Variants in CDH8 observed in about 807,000 individuals in gnomAD.
CDH8 encodes the protein cadherin 8.
A neutral mutation model predicts 68.1 loss-of-function variants in CDH8; 17 were observed. That is an observed-to-expected ratio of 0.25 (90% CI 0.17 to 0.37). CDH8 has a LOEUF of 0.37. Among genes scored for constraint, CDH8 ranks in the 10% least tolerant of loss-of-function variants. CDH8 has a pLI of 1.00. For missense variants in CDH8, 763 were observed against 999.3 expected, an observed-to-expected ratio of 0.76 and a Z score of 3.19; for synonymous variants, 372 against 365.1, an observed-to-expected ratio of 1.02 and a Z score of -0.21.
chr16:62,024,977 T>A (rs1054457861), intron 1 of CDH8, among the ~76,000 whole-genome samples: 3 of 152,198 alleles, frequency 2.0e-5, no homozygotes, highest in Non-Finnish European at 4.4e-5. Context: ...GCAAAGAATC[T>A]GTTTGGCAAA....
chr16:61,673,365 C>A (rs1681712739), intron 10 of CDH8, among the ~76,000 whole-genome samples: 1 of 152,094 alleles, frequency 6.6e-6, no homozygotes, highest in African/African-American at 2.4e-5. Context: ...ATCCATGTCA[C>A]TTCAGAATAC....
chr16:61,675,379 C>G (rs1435256800), intron 10 of CDH8, among the ~76,000 whole-genome samples: 2 of 142,686 alleles, frequency 1.4e-5, no homozygotes. Flanking sequence ...TATTCTCACT[C>G]ATAGGTGGGA....
intron 2 of CDH8, among the ~76,000 whole-genome samples, chr16:61,958,890 T>C (rs1214970642): frequency 1.3e-5 from 2 of 152,158 alleles, no homozygotes; most frequent in African/African-American, 2.4e-5. Flanking sequence ...CATTTCTTTC[T>C]AGCTCCATCT....
chr16:61,787,444 G>A (rs1961253430), intron 8 of CDH8, among the ~76,000 whole-genome samples: 1 of 138,742 alleles, frequency 7.2e-6, no homozygotes, highest in Non-Finnish European at 1.5e-5. Context: ...GGAAACAACA[G>A]GTGCTGGAGA....
intron 4 of CDH8, among the ~76,000 whole-genome samples, chr16:61,847,919 A>ACC (rs1220831001): frequency 1.3e-5 from 2 of 151,780 alleles, no homozygotes; most frequent in African/African-American, 4.8e-5. Flanking sequence ...ACACACACAC[A>ACC]CACACTTTTT....
At chr16:61,743,007 C>T (rs969311084) in intron 8 of CDH8, 1 of 151,952 alleles carries the variant, frequency 6.6e-6, no homozygotes, top group Non-Finnish European at 1.5e-5. Context: ...TTTTTAAACT[C>T]GCCTCTATCA....
chr16:61,698,858 T>C (rs1460829292), intron 10 of CDH8, among the ~76,000 whole-genome samples: 1 of 152,178 alleles, frequency 6.6e-6, no homozygotes, highest in Non-Finnish European at 1.5e-5. Context: ...CAAAAGCACC[T>C]TAGCTGGGTG....
intron 4 of CDH8, among the ~76,000 whole-genome samples, chr16:61,849,474 C>G (rs747127249): frequency 6.6e-6 from 1 of 152,138 alleles, no homozygotes; most frequent in Non-Finnish European, 1.5e-5. Flanking sequence ...AAGAGGCTTA[C>G]AAGGGACTCC....
intron 2 of CDH8, among the ~76,000 whole-genome samples, chr16:61,946,442 C>A (rs1444015167): frequency 2.0e-5 from 3 of 152,122 alleles, no homozygotes; most frequent in African/African-American, 7.2e-5. Flanking sequence ...AGTTTTTACA[C>A]CTAGATGTAA....
At chr16:61,811,151 C>T (rs556679523) in intron 7 of CDH8, among the ~76,000 whole-genome samples, 4 of 151,558 alleles carry the variant, frequency 2.6e-5, no homozygotes, top group Non-Finnish European at 5.9e-5. Context: ...CTAGAAATTT[C>T]TTGACAAAAT....
At chr16:61,681,903 A>T (rs181239365) in intron 10 of CDH8, among the ~76,000 whole-genome samples, 1 of 151,988 alleles carries the variant, frequency 6.6e-6, no homozygotes, top group Admixed American at 6.6e-5. Context: ...AGAGTCCTGT[A>T]TGGTAATCTG....
intron 2 of CDH8, among the ~76,000 whole-genome samples, chr16:61,906,038 A>G (rs937709663): frequency 6.6e-6 from 1 of 152,202 alleles, no homozygotes; most frequent in East Asian, 1.9e-4. Context: ...AGAGCAAGGA[A>G]TTGAGGAAAA....
chr16:61,945,633 A>G (rs1489944561), intron 2 of CDH8, among the ~76,000 whole-genome samples: 1 of 151,908 alleles, frequency 6.6e-6, no homozygotes, highest in African/African-American at 2.4e-5. Flanking sequence ...ACGGTTGAGG[A>G]GTGCTAACAC....
intron 2 of CDH8, among the ~76,000 whole-genome samples, chr16:61,974,125 T>C (rs373176997): frequency 2.0e-5 from 3 of 152,262 alleles, no homozygotes; most frequent in South Asian, 2.1e-4. Context: ...TTGTCTGTAA[T>C]AACCCAAAAG....
At chr16:61,934,723 C>A (rs1422543100) in intron 2 of CDH8, among the ~76,000 whole-genome samples, 2 of 152,124 alleles carry the variant, frequency 1.3e-5, no homozygotes, top group East Asian at 3.9e-4. Context: ...ACCTTTGTAT[C>A]TCTGGCACTG....
chr16:62,011,867 G>A (rs867760443), intron 2 of CDH8, among the ~76,000 whole-genome samples: 46 of 152,192 alleles, frequency 3.0e-4, no homozygotes, highest in African/African-American at 1.0e-3. Flanking sequence ...TCTGAGGTTA[G>A]AGAGCCAGTG....
chr16:61,775,382 A>G (rs1596956159), intron 8 of CDH8, among the ~76,000 whole-genome samples: 1 of 152,196 alleles, frequency 6.6e-6, no homozygotes, highest in South Asian at 2.1e-4. Context: ...TTATGTGGAA[A>G]CTACAAATCA....
intron 4 of CDH8, among the ~76,000 whole-genome samples, chr16:61,827,882 C>T (rs1386285215): frequency 6.6e-6 from 1 of 151,752 alleles, no homozygotes; most frequent in African/African-American, 2.4e-5. Context: ...CTACTATTGA[C>T]CACAAACCTT....
intron 7 of CDH8, among the ~76,000 whole-genome samples, chr16:61,817,146 C>G (rs1962093457): frequency 6.6e-6 from 1 of 152,090 alleles, no homozygotes; most frequent in Non-Finnish European, 1.5e-5. Context: ...AAAGCACTAA[C>G]AAACAAAAAC....
Sources: gnomAD v4.1 joint callset for allele counts (sites outside exome capture counted in the v4.1 genomes callset) on GRCh38, gnomAD v4.1.1 for gene constraint, MANE v1.5 for transcripts, NCBI Gene and HGNC (gene_info 2026-07-23, HGNC 2026-07-21) for gene names.